SNX29: variants seen among roughly 807,000 people sequenced by gnomAD.
The protein encoded by SNX29 is sorting nexin 29.
SNX29 carries 78 observed loss-of-function variants against 102.1 expected under a neutral mutation model. That is an observed-to-expected ratio of 0.76 (90% CI 0.64 to 0.92). The LOEUF (loss-of-function observed/expected upper bound fraction) is 0.92, where lower values mean the gene tolerates loss of function less well. Among genes scored for constraint, SNX29 ranks in the 40% least tolerant of loss-of-function variants. SNX29 has a pLI of 0.00. For missense variants in SNX29, 1,280 were observed against 1,061.7 expected (o/e 1.21, Z -2.86); for synonymous variants, 580 against 414.5 (o/e 1.40, Z -4.85).
intron 15 of SNX29, among the ~76,000 whole-genome samples, chr16:12,290,165 G>T (rs891296078): frequency 1.3e-5 from 2 of 152,140 alleles, no homozygotes; most frequent in African/African-American, 4.8e-5. Context: ...TTAGGTTCCT[G>T]TAAAAGTAAC....
chr16:12,041,134 T>G (rs989331464), intron 4 of SNX29, among the ~76,000 whole-genome samples: 2 of 152,064 alleles, frequency 1.3e-5, no homozygotes, highest in African/African-American at 4.8e-5. Context: ...TTTTTTGAGA[T>G]AGAGTTTTGC....
At chr16:12,528,261 A>G (rs9927076) in intron 20 of SNX29, among the ~76,000 whole-genome samples, 1 of 151,904 alleles carries the variant, frequency 6.6e-6, no homozygotes, top group South Asian at 2.1e-4. Context: ...GTGCAGTGGC[A>G]CAATCTTGGC....
chr16:12,367,733 G>A (rs189919973), intron 16 of SNX29, among the ~76,000 whole-genome samples: 90 of 152,312 alleles, frequency 5.9e-4, no homozygotes, highest in African/African-American at 1.7e-3. Context: ...CCTGTCCCAC[G>A]GCAATGTTAA....
At chr16:12,306,056 C>T (rs1052549859) in intron 15 of SNX29, among the ~76,000 whole-genome samples, 8 of 152,004 alleles carry the variant, frequency 5.3e-5, no homozygotes, top group African/African-American at 1.9e-4. Context: ...CACACCCTCC[C>T]TCAGCCAGGC....
At chr16:12,184,897 A>C (rs1166284288) in intron 13 of SNX29, among the ~76,000 whole-genome samples, 1 of 152,160 alleles carries the variant, frequency 6.6e-6, no homozygotes, top group Non-Finnish European at 1.5e-5. Context: ...CAAGGGGAAA[A>C]TCATTGTGTT....
intron 13 of SNX29, among the ~76,000 whole-genome samples, chr16:12,185,635 C>G (rs946963780): frequency 9.2e-5 from 14 of 152,280 alleles, no homozygotes; most frequent in African/African-American, 3.4e-4. Context: ...ACTTTTTATC[C>G]TTACTGCATT....
intron 20 of SNX29, among the ~76,000 whole-genome samples, chr16:12,541,635 A>G (rs1482905661): frequency 6.6e-6 from 1 of 152,176 alleles, no homozygotes; most frequent in East Asian, 1.9e-4. Flanking sequence ...GGTCCATCGC[A>G]TCTTCGTTCA....
At chr16:12,268,006 G>A (rs2078979619) in intron 14 of SNX29, among the ~76,000 whole-genome samples, 1 of 152,158 alleles carries the variant, frequency 6.6e-6, no homozygotes, top group South Asian at 2.1e-4. Flanking sequence ...GCCCGCCCCA[G>A]GCCCTTTGCA....
intron 14 of SNX29, among the ~76,000 whole-genome samples, chr16:12,236,320 A>C (rs763790396): frequency 2.1e-4 from 32 of 152,166 alleles, no homozygotes; most frequent in Non-Finnish European, 4.1e-4. Flanking sequence ...TGAGGAGGGC[A>C]TGGGGCAGGG....
chr16:12,262,262 C>T (rs997104239), intron 14 of SNX29, among the ~76,000 whole-genome samples: 3 of 152,204 alleles, frequency 2.0e-5, no homozygotes, highest in Non-Finnish European at 4.4e-5. Flanking sequence ...GACTCAAAGT[C>T]TTCCCCTTGG....
rs144490743 is a variant in SNX29 at position 12,243,670 on chromosome 16, G to C, written c.1679-34263G>C. ...ATGTAATTGGGTTGAATAGTTGTATGATTGGGCTTCAGGTCCATCCATTTA... is the reference window on the plus strand; with the variant it reads ...ATGTAATTGGGTTGAATAGTTGTATCATTGGGCTTCAGGTCCATCCATTTA... On this transcript the variant is annotated intron_variant, in intron 14 of 20. Coordinates refer to ENST00000566228, the MANE Select transcript of SNX29 (RefSeq NM_032167.5). 3.4e-3 allele frequency among the ~76,000 whole-genome samples: 518 copies of C among 152,214 alleles called. 2 individuals carry two copies. The highest frequency in any genetic ancestry group is 0.011 in the South Asian group (54 of 4,820).
chr16:12,163,770 G>C (rs532091036), intron 13 of SNX29, among the ~76,000 whole-genome samples: 1 of 152,112 alleles, frequency 6.6e-6, no homozygotes, highest in South Asian at 2.1e-4. Context: ...CACATCCTGC[G>C]GTCTCTGTTG....
At chr16:12,424,033 A>C (rs1288225738) in intron 18 of SNX29, among the ~76,000 whole-genome samples, 2 of 152,228 alleles carry the variant, frequency 1.3e-5, no homozygotes, top group Non-Finnish European at 1.5e-5. Flanking sequence ...GGTTGGCCAG[A>C]GGGAATCAGG....
chr16:12,008,186 C>T (rs1240269783), intron 3 of SNX29, among the ~76,000 whole-genome samples: 3 of 152,142 alleles, frequency 2.0e-5, no homozygotes, highest in Non-Finnish European at 4.4e-5. Context: ...CCTTGTGATC[C>T]GCCCGCCTCG....
At chr16:12,458,434 T>C (rs2151743222) in intron 18 of SNX29, among the ~76,000 whole-genome samples, 1 of 152,222 alleles carries the variant, frequency 6.6e-6, no homozygotes, top group South Asian at 2.1e-4. Context: ...AGACACTGAG[T>C]GGTCTTGCTT....
At chr16:12,293,644 C>A (rs898490506) in intron 15 of SNX29, among the ~76,000 whole-genome samples, 1 of 152,174 alleles carries the variant, frequency 6.6e-6, no homozygotes, top group Non-Finnish European at 1.5e-5. Context: ...CAACTAATAG[C>A]GTGCTTTCAT....
At chr16:12,265,436 G>A (rs974784034) in intron 14 of SNX29, among the ~76,000 whole-genome samples, 12 of 152,148 alleles carry the variant, frequency 7.9e-5, no homozygotes, top group Non-Finnish European at 1.5e-4. Context: ...TGATCTCTTG[G>A]AAGCGAGACG....
At position 12,088,209 on chromosome 16, in the gene SNX29, G is replaced by A. The variant is rs1196173696; in HGVS notation, c.1402+9294G>A. On this transcript the variant is annotated intron_variant, in intron 11 of 20. Transcript: ENST00000566228. ...AGCTAGAGAGAGACAGGAGAGGCAG[G>A]AACAGATCTGGTCAGCTGATCCAGC... is the stretch of plus-strand genomic sequence containing the variant. 3 of 435,038 alleles carry A rather than the reference G, an allele frequency of 6.9e-6. No homozygotes were observed. In the Admixed American group the frequency reaches 7.3e-5, roughly 11 times the overall value. 26.9% of individuals were successfully genotyped at this position (435,038 alleles called of 1,614,324 possible).
chr16:12,572,463 C>G lies in SNX29; in HGVS notation c.*3834C>G. On this transcript the variant is annotated 3_prime_UTR_variant, in exon 21 of 21. Coordinates refer to ENST00000566228, the MANE Select transcript of SNX29 (RefSeq NM_032167.5). ...CTTGGTTCTGCATGGTACATTTTGC[C>G]AACCCTGAGGACCAGTTCTTGGGGT... The G allele has an allele frequency of 6.6e-6, 7 of 1,063,662 alleles. No homozygotes were observed. Among genetic ancestry groups the G allele is most frequent in the Non-Finnish European group, 8.0e-6 (7 of 878,238 alleles). The allele number at this position is 1,063,662 out of a possible 1,614,324, so 65.9% of individuals were successfully genotyped here. A position where few individuals can be genotyped will look rare whatever the true frequency, so the allele number is the denominator to read the frequency against.
Sources: gnomAD v4.1 joint callset for allele counts (sites outside exome capture counted in the v4.1 genomes callset) on GRCh38, gnomAD v4.1.1 for gene constraint, MANE v1.5 for transcripts, NCBI Gene and HGNC (gene_info 2026-07-23, HGNC 2026-07-21) for gene names.